Variants in LRP6 observed in about 807,000 individuals in gnomAD.
The protein encoded by LRP6 is LDL receptor related protein 6.
LRP6 carries 43 observed loss-of-function variants against 184.1 expected under a neutral mutation model. The ratio of observed to expected loss-of-function variants is 0.23; its 90% CI spans 0.18 to 0.30. The LOEUF (loss-of-function observed/expected upper bound fraction) is 0.30. Ranked by LOEUF, LRP6 falls within the 10% of genes least tolerant of loss-of-function variation. LRP6 has a pLI of 1.00. For synonymous variants in LRP6, 719 were observed against 684.9 expected (o/e 1.05, Z -0.78); for missense variants, 1,571 against 2,005.3 (o/e 0.78, Z 4.14).
intron 1 of LRP6, among the ~76,000 whole-genome samples, chr12:12,261,202 C>T (rs966490923): frequency 7.2e-5 from 11 of 152,182 alleles, no homozygotes; most frequent in South Asian, 4.2e-4. Context: ...GGGCGGATCA[C>T]GAGATCAGGA....
rs1019612223 is a variant in LRP6, at chr12:12,198,231, A to G, written c.647+4972T>C. Reference sequence around the variant, plus strand: ...CATGCCCAGTCACAAATCTTCTTGTAAGAAACTTTTTCTATAGTTGTTCAT... The same window carrying G: ...CATGCCCAGTCACAAATCTTCTTGTGAGAAACTTTTTCTATAGTTGTTCAT... On this transcript the variant is annotated intron_variant, in intron 3 of 22. Transcript: ENST00000261349. Among the ~76,000 whole-genome samples, 11 of 152,234 alleles carry G rather than the reference A, an allele frequency of 7.2e-5. No individual in the cohort carries two copies. The East Asian group carries it at 2.1e-3, about 29-fold the overall frequency.
Position 12,124,587 on chromosome 12 carries a change from G to C in LRP6, c.4525C>G (p.Pro1509Ala), listed in dbSNP as rs138127286. Residue 1509 changes from proline (P) to alanine (A), a missense_variant, in exon 22 of 23, where the codon CCT becomes GCT. By Grantham distance (27) the Pro-to-Ala change is conservative. Transcript: ENST00000261349. ...TACCTGTATGACCTATGAGTGGAAG[G>C]ACTGTTTGAAGAATATCCAAATTCC... ...TMEFGYSSNS[P>A]STHRSYSYRP... is the part of the protein sequence containing the mutation. The C allele has an allele frequency of 8.7e-6, 14 of 1,611,894 alleles. No homozygotes were observed. The Admixed American group carries it at 1.2e-4, about 13-fold the overall frequency.
At chr12:12,137,496 C>T (rs1259779140) in intron 16 of LRP6, among the ~76,000 whole-genome samples, 6 of 152,002 alleles carry the variant, frequency 3.9e-5, no homozygotes, top group African/African-American at 7.2e-5. Flanking sequence ...AATATTTATC[C>T]CAAAGGGGGG....
intron 12 of LRP6, among the ~76,000 whole-genome samples, chr12:12,156,555 G>A (rs1862584444): frequency 6.6e-6 from 1 of 152,130 alleles, no homozygotes; most frequent in African/African-American, 2.4e-5. Flanking sequence ...CAAAAGAGAT[G>A]TCTATATATG....
At chr12:12,195,170 G>A (rs562590649) in intron 3 of LRP6, among the ~76,000 whole-genome samples, 2 of 152,220 alleles carry the variant, frequency 1.3e-5, no homozygotes, top group East Asian at 3.9e-4. Context: ...ACATAGGGGT[G>A]CAGATGTCTC....
Position 12,147,486 on chromosome 12 carries a change from G to T in LRP6, c.3277C>A (p.Arg1093=). 3 of 1,613,988 alleles carry T rather than the reference G, an allele frequency of 1.9e-6. No homozygotes were observed. The highest frequency in any genetic ancestry group is 2.5e-6 in the Non-Finnish European group (3 of 1,179,968). ...AAGCCACTGAAAAAGAGGACCTCCC[G>T]TTCTGTCCCATCCAAAGCAGCCCGT... The part of the protein sequence containing the change: ...IERAALDGTE[R]EVLFFSGLSK... The change falls in exon 15 of 23, where the codon CGG becomes AGG. Residue 1093 remains arginine, a synonymous_variant. Transcript: ENST00000261349.
chr12:12,173,358 G>T (rs967549786), intron 7 of LRP6, among the ~76,000 whole-genome samples: 1 of 151,998 alleles, frequency 6.6e-6, no homozygotes, highest in African/African-American at 2.4e-5. Flanking sequence ...TTTTGTTTTT[G>T]GGGGGACAGG....
intron 7 of LRP6, among the ~76,000 whole-genome samples, chr12:12,178,386 C>A (rs530649860): frequency 1.7e-4 from 26 of 152,112 alleles, no homozygotes; most frequent in Non-Finnish European, 3.5e-4. Context: ...ATGGGCAAAA[C>A]CAAATACGGA....
chr12:12,183,601 A>G (rs1390775745), intron 5 of LRP6, among the ~76,000 whole-genome samples: 1 of 152,228 alleles, frequency 6.6e-6, no homozygotes, highest in Non-Finnish European at 1.5e-5. Context: ...TTTGTAGCTA[A>G]AAGTTTAATA....
intron 12 of LRP6, among the ~76,000 whole-genome samples, chr12:12,157,956 A>T (rs191458518): frequency 6.6e-6 from 1 of 152,316 alleles, no homozygotes; most frequent in Admixed American, 6.5e-5. Flanking sequence ...GGTATTTAAA[A>T]ATCAGGAGAT....
intron 2 of LRP6, 134 bp from the exon 3 acceptor site, chr12:12,203,534 A>G: frequency 1.4e-6 from 1 of 721,354 alleles, no homozygotes; most frequent in Non-Finnish European, 2.4e-6. Flanking sequence ...TGGGAGGCTG[A>G]GGCAGGCAAA....
At chr12:12,185,171 T>C (rs1565616623) in intron 4 of LRP6, among the ~76,000 whole-genome samples, 1 of 152,048 alleles carries the variant, frequency 6.6e-6, no homozygotes, top group Non-Finnish European at 1.5e-5. Flanking sequence ...TGGTGGCATA[T>C]GCCTGTAGTC....
At chr12:12,122,715 C>T (rs1949621428) in intron 22 of LRP6, among the ~76,000 whole-genome samples, 1 of 151,970 alleles carries the variant, frequency 6.6e-6, no homozygotes. Flanking sequence ...ACCTGTAGTC[C>T]CAGCTACTTG....
chr12:12,234,412 T>TA (rs903629086), intron 2 of LRP6, among the ~76,000 whole-genome samples: 78 of 151,806 alleles, frequency 5.1e-4, no homozygotes, highest in African/African-American at 1.7e-3. Context: ...ATCGTGCCAC[T>TA]ACACTCCAGC....
rs1388458709 is a variant in LRP6, at chr12:12,125,507, T to A, written c.4313-75A>T. 3.8e-6 allele frequency: 5 copies of A among 1,310,978 alleles called. No homozygotes were observed. The East Asian group carries it at 7.3e-5, about 19-fold the overall frequency. 81.2% of individuals were successfully genotyped at this position (1,310,978 alleles called of 1,614,324 possible). On this transcript the variant is annotated intron_variant, in intron 20 of 22. Transcript: ENST00000261349. ...TGTATCAAGCAATTTCATTCAACAG[T>A]AGGATTACAAATATCAACAGTGAAG...
chr12:12,203,353 G>T lies in LRP6; in HGVS notation c.497C>A (p.Ala166Asp), dbSNP rs1438989451. The change falls in exon 3 of 23, where the codon GCT (alanine) becomes GAT (aspartate). Residue 166 changes from alanine to aspartate, a missense_variant. Transcript: ENST00000261349. The part of the protein sequence containing the change: ...DWGEVPKIER[A>D]GMDGSSRFII... Reference sequence around the variant, plus strand: ...GAAGCGACTTGAACCATCCATTCCAGCACGTTCTATCTTTGGCACTTCTCC... The same window carrying T: ...GAAGCGACTTGAACCATCCATTCCATCACGTTCTATCTTTGGCACTTCTCC... 1 of 1,614,008 alleles carries T rather than the reference G, an allele frequency of 6.2e-7. No homozygotes were observed.
intron 2 of LRP6, among the ~76,000 whole-genome samples, chr12:12,228,511 G>A (rs1864690492): frequency 1.3e-5 from 2 of 152,202 alleles, no homozygotes; most frequent in Non-Finnish European, 1.5e-5. Flanking sequence ...CCCTTCTCTA[G>A]TGCAGGGGTC....
chr12:12,171,762 C>A (rs1338640076), intron 7 of LRP6, among the ~76,000 whole-genome samples: 1 of 152,144 alleles, frequency 6.6e-6, no homozygotes, highest in Non-Finnish European at 1.5e-5. Flanking sequence ...AGAGGTGACA[C>A]TATTAGAAAA....
At chr12:12,155,530 T>C in intron 12 of LRP6, 2 of 760,906 alleles carry the variant, frequency 2.6e-6, no homozygotes, top group South Asian at 1.4e-5. Flanking sequence ...ACAGAATTAA[T>C]ATGCATATTC....
Sources: allele counts gnomAD v4.1 joint callset (sites outside exome capture counted in the v4.1 genomes callset), GRCh38; gene constraint gnomAD v4.1.1; transcripts MANE v1.5; gene names NCBI Gene and HGNC (gene_info 2026-07-23, HGNC 2026-07-21).